ATRNL1: variants seen among roughly 807,000 people sequenced by gnomAD.
ATRNL1 encodes the protein attractin-like protein 1.
In ATRNL1, 95 loss-of-function variants were observed where a neutral mutation model predicts 182.7. That is an observed-to-expected ratio of 0.52 (90% CI 0.44 to 0.62). ATRNL1 has a LOEUF of 0.62. Ranked by LOEUF, ATRNL1 falls within the 20% of genes least tolerant of loss-of-function variation. ATRNL1 has a pLI of 0.00. For synonymous variants in ATRNL1, 576 were observed against 568.3 expected (o/e 1.01, Z -0.19); for missense variants, 1,471 against 1,679.5 (o/e 0.88, Z 2.17).
At chr10:115,561,016 G>A (rs1416357866) in intron 26 of ATRNL1, among the ~76,000 whole-genome samples, 1 of 151,992 alleles carries the variant, frequency 6.6e-6, no homozygotes, top group Non-Finnish European at 1.5e-5. Context: ...AATAGGAATC[G>A]ATACACCAAT....
chr10:115,118,950 T>C (rs561251059), intron 1 of ATRNL1, among the ~76,000 whole-genome samples: 1 of 152,276 alleles, frequency 6.6e-6, no homozygotes, highest in African/African-American at 2.4e-5. Flanking sequence ...TTTAACTTGT[T>C]ACTTAAAATG....
At chr10:115,690,839 C>G (rs1408479143) in intron 26 of ATRNL1, among the ~76,000 whole-genome samples, 21 of 152,154 alleles carry the variant, frequency 1.4e-4, no homozygotes, top group African/African-American at 4.6e-4. Flanking sequence ...CCCTGCAAAT[C>G]ACTCCCTATG....
In ATRNL1 at chr10:115,696,383, T is replaced by C. The variant is rs371127012; in HGVS notation, c.3796-30865T>C. ...TACTCAGGAGGCTGAGGTAGAAGGA[T>C]TGCTTGAGCCTGGGTGGCAGAGATT... On this transcript the variant is annotated intron_variant, in intron 26 of 28. Transcript: ENST00000355044. Among the ~76,000 whole-genome samples the C allele has an allele frequency of 3.3e-5, 5 of 152,232 alleles. 1 individual carries two copies. The highest frequency in any genetic ancestry group is 1.2e-4 in the African/African-American group (5 of 41,556).
chr10:115,239,390 G>A (rs1336499368), intron 9 of ATRNL1, among the ~76,000 whole-genome samples: 1 of 151,898 alleles, frequency 6.6e-6, no homozygotes, highest in Non-Finnish European at 1.5e-5. Context: ...AGGCTACCAC[G>A]CCCAGCTAAT....
At chr10:115,850,614 A>C (rs1555100247) in intron 28 of ATRNL1, among the ~76,000 whole-genome samples, 1 of 152,172 alleles carries the variant, frequency 6.6e-6, no homozygotes, top group African/African-American at 2.4e-5. Flanking sequence ...AAGTCCTTAT[A>C]TATGCCTGTG....
chr10:115,301,514 A>G (rs1002306871), intron 16 of ATRNL1, among the ~76,000 whole-genome samples: 2 of 152,022 alleles, frequency 1.3e-5, no homozygotes, highest in Non-Finnish European at 2.9e-5. Context: ...GTGGAATGCT[A>G]TGGAAAACGT....
At chr10:115,495,923 T>A (rs1276958842) in intron 24 of ATRNL1, among the ~76,000 whole-genome samples, 1 of 152,222 alleles carries the variant, frequency 6.6e-6, no homozygotes, top group East Asian at 1.9e-4. Flanking sequence ...ATTGGGATGT[T>A]GACATCACCC....
chr10:115,327,271 C>T (rs4285796), intron 18 of ATRNL1, among the ~76,000 whole-genome samples: 32,095 of 145,142 alleles, frequency 0.22, 2,403 homozygotes, highest in Non-Finnish European at 0.28. Context: ...AAAAAGTGGG[C>T]AAAGGACATG....
intron 28 of ATRNL1, among the ~76,000 whole-genome samples, chr10:115,911,042 T>C (rs1952660999): frequency 6.6e-6 from 1 of 152,200 alleles, no homozygotes; most frequent in Non-Finnish European, 1.5e-5. Flanking sequence ...TCTCACTTTG[T>C]CGCCCAGGCT....
chr10:115,519,677 A>T (rs946657275), intron 25 of ATRNL1, among the ~76,000 whole-genome samples: 30 of 152,152 alleles, frequency 2.0e-4, no homozygotes, highest in South Asian at 4.1e-4. Context: ...CAATTTGTTT[A>T]TTTCTTAGTT....
chr10:115,212,649 G>A (rs778022301), intron 8 of ATRNL1, among the ~76,000 whole-genome samples: 57 of 152,092 alleles, frequency 3.7e-4, no homozygotes, highest in East Asian at 2.3e-3. Context: ...CATATACACC[G>A]TGGAATATTA....
intron 26 of ATRNL1, among the ~76,000 whole-genome samples, chr10:115,619,553 C>T (rs1386938058): frequency 6.6e-6 from 1 of 152,224 alleles, no homozygotes; most frequent in Non-Finnish European, 1.5e-5. Flanking sequence ...AGACTCCAGG[C>T]AGTCTGATCC....
At chr10:115,239,159 T>C (rs1386442383) in intron 9 of ATRNL1, among the ~76,000 whole-genome samples, 2 of 151,374 alleles carry the variant, frequency 1.3e-5, no homozygotes, top group African/African-American at 4.9e-5. Context: ...CCATATTATT[T>C]ATTTACTGTC....
chr10:115,898,471 A>G (rs1952264139), intron 28 of ATRNL1, among the ~76,000 whole-genome samples: 1 of 152,060 alleles, frequency 6.6e-6, no homozygotes, highest in South Asian at 2.1e-4. Flanking sequence ...TGTCTACCCC[A>G]TGCTCTACTG....
chr10:115,547,715 G>A (rs1402724148), intron 25 of ATRNL1, among the ~76,000 whole-genome samples: 5 of 152,138 alleles, frequency 3.3e-5, no homozygotes, highest in Non-Finnish European at 4.4e-5. Flanking sequence ...ATGAAAGAAA[G>A]TATTCAGGAG....
intron 26 of ATRNL1, among the ~76,000 whole-genome samples, chr10:115,622,713 G>A (rs1555023369): frequency 6.6e-6 from 1 of 152,156 alleles, no homozygotes; most frequent in East Asian, 1.9e-4. Context: ...GGATCACGAG[G>A]TCAGGAGATC....
intron 8 of ATRNL1, among the ~76,000 whole-genome samples, chr10:115,201,391 T>G (rs1213744937): frequency 7.9e-5 from 12 of 152,182 alleles, no homozygotes; most frequent in African/African-American, 2.9e-4. Context: ...TTAATCCATC[T>G]TGAATTAATT....
chr10:115,279,660 G>A (rs1222044302), intron 13 of ATRNL1, among the ~76,000 whole-genome samples: 2 of 152,156 alleles, frequency 1.3e-5, no homozygotes, highest in Non-Finnish European at 2.9e-5. Context: ...TTTATGCCAA[G>A]CCAGGGAAGG....
chr10:115,720,516 A>G (rs1398274034), intron 26 of ATRNL1, among the ~76,000 whole-genome samples: 1 of 152,206 alleles, frequency 6.6e-6, no homozygotes, highest in Admixed American at 6.5e-5. Context: ...TGGTGATGCT[A>G]TCAGGTCATG....
Sources: gnomAD v4.1 joint callset for allele counts (sites outside exome capture counted in the v4.1 genomes callset) on GRCh38, gnomAD v4.1.1 for gene constraint, MANE v1.5 for transcripts, NCBI Gene and HGNC (gene_info 2026-07-23, HGNC 2026-07-21) for gene names.